The following HS2ST1 variants were observed in gnomAD, a reference collection of about 807,000 sequenced individuals.
HS2ST1 encodes the protein 2-O-sulfotransferase.
Under a neutral mutation model 42.9 loss-of-function variants are expected in HS2ST1, and 18 were observed. That is an observed-to-expected ratio of 0.42 (90% CI 0.29 to 0.62). The LOEUF (loss-of-function observed/expected upper bound fraction) is 0.62, where lower values mean the gene tolerates loss of function less well. HS2ST1 is among the 20% of genes least tolerant of loss of function. HS2ST1 has a pLI of 0.21. For missense variants in HS2ST1, 334 were observed against 433.8 expected (o/e 0.77, Z 2.04); for synonymous variants, 146 against 152.9 (o/e 0.95, Z 0.33).
At chr1:87,014,597 A>T in intron 1 of HS2ST1, among the ~76,000 whole-genome samples, 1 of 152,338 alleles carries the variant, frequency 6.6e-6, no homozygotes, top group Non-Finnish European at 1.5e-5. Context: ...TAAACAAACA[A>T]ACAAAAAACC....
chr1:86,954,045 A>ATT (rs1557492049), intron 1 of HS2ST1, among the ~76,000 whole-genome samples: 1,787 of 122,944 alleles, frequency 0.015, 31 homozygotes, highest in African/African-American at 0.019. Flanking sequence ...TTTTTTAAAA[A>ATT]AAAAAAAAAA....
intron 1 of HS2ST1, among the ~76,000 whole-genome samples, chr1:87,036,592 A>G (rs780398384): frequency 6.6e-6 from 1 of 152,172 alleles, no homozygotes; most frequent in Non-Finnish European, 1.5e-5. Context: ...CAGTTTGGCT[A>G]GTATATTTGT....
intron 1 of HS2ST1, among the ~76,000 whole-genome samples, chr1:87,017,894 T>C (rs927936232): frequency 6.6e-6 from 1 of 152,162 alleles, no homozygotes; most frequent in Non-Finnish European, 1.5e-5. Flanking sequence ...TTGTATTTTA[T>C]CCATCTATCC....
At chr1:86,951,652 G>T (rs562758224) in intron 1 of HS2ST1, among the ~76,000 whole-genome samples, 1 of 152,346 alleles carries the variant, frequency 6.6e-6, no homozygotes, top group South Asian at 2.1e-4. Flanking sequence ...GTGGCTGGAG[G>T]TGGGGGTGAC....
intron 1 of HS2ST1, among the ~76,000 whole-genome samples, chr1:86,963,124 A>T (rs1273384400): frequency 1.3e-5 from 2 of 152,024 alleles, no homozygotes; most frequent in African/African-American, 4.8e-5. Context: ...TTTCTGTCAG[A>T]AGGTACAGAA....
chr1:87,085,987 T>C (rs1252843141), intron 3 of HS2ST1, among the ~76,000 whole-genome samples: 1 of 152,180 alleles, frequency 6.6e-6, no homozygotes, highest in Non-Finnish European at 1.5e-5. Context: ...ATTGTGAAAA[T>C]TTTTCATAGA....
intron 1 of HS2ST1, among the ~76,000 whole-genome samples, chr1:87,028,454 C>A (rs1430566673): frequency 6.6e-6 from 1 of 152,218 alleles, no homozygotes; most frequent in African/African-American, 2.4e-5. Flanking sequence ...AGTATCCCAA[C>A]AAATAGCACC....
chr1:87,009,714 A>G (rs959253423), intron 1 of HS2ST1, among the ~76,000 whole-genome samples: 1 of 152,078 alleles, frequency 6.6e-6, no homozygotes, highest in South Asian at 2.1e-4. Flanking sequence ...AAGGTGTGAT[A>G]GCAGGACCTG....
At chr1:86,990,812 T>TATATATATATATATATA (rs1553135487) in intron 1 of HS2ST1, among the ~76,000 whole-genome samples, 12 of 10,244 alleles carry the variant, frequency 1.2e-3, no homozygotes, top group Non-Finnish European at 2.7e-3. Flanking sequence ...CTGGCTAATT[T>TATATATATATATATATA]TATATATATA....
chr1:87,008,593 A>G (rs868267862), intron 1 of HS2ST1, among the ~76,000 whole-genome samples: 1 of 152,236 alleles, frequency 6.6e-6, no homozygotes, highest in African/African-American at 2.4e-5. Context: ...CTTTTAGTCC[A>G]GCTCATAAAT....
chr1:87,048,238 A>G (rs1650738436), intron 1 of HS2ST1, among the ~76,000 whole-genome samples: 1 of 152,156 alleles, frequency 6.6e-6, no homozygotes, highest in Non-Finnish European at 1.5e-5. Context: ...ATTTAGGTAT[A>G]TTGATTTTTA....
chr1:87,092,989 CTAAG>C (rs1651982634), intron 4 of HS2ST1, among the ~76,000 whole-genome samples: 1 of 151,796 alleles, frequency 6.6e-6, no homozygotes, highest in African/African-American at 2.4e-5. Flanking sequence ...TTTTGGTTCT[CTAAG>C]TATTGATGGC....
intron 1 of HS2ST1, among the ~76,000 whole-genome samples, chr1:87,037,418 C>A (rs1044823723): frequency 2.0e-5 from 3 of 151,692 alleles, no homozygotes; most frequent in African/African-American, 4.8e-5. Flanking sequence ...CCCAATAAAT[C>A]TGTACAATAA....
chr1:87,007,266 A>G (rs1330300799), intron 1 of HS2ST1, among the ~76,000 whole-genome samples: 1 of 152,130 alleles, frequency 6.6e-6, no homozygotes, highest in Non-Finnish European at 1.5e-5. Flanking sequence ...TCACACACAC[A>G]TATTCATATA....
chr1:86,969,039 A>G lies in HS2ST1; in HGVS notation c.124+53879A>G, dbSNP rs558935074. On this transcript the variant is annotated intron_variant, in intron 1 of 6. Coordinates refer to ENST00000370550, the MANE Select transcript of HS2ST1 (RefSeq NM_012262.4). The stretch of plus-strand genomic sequence containing the variant: ...ATTCCATGTAAGTAAGGTTGCTACA[A>G]ATATATGATTTCTTGACATATATGC... 1.2e-4 allele frequency among the ~76,000 whole-genome samples: 19 copies of G among 152,332 alleles called. No individual in the cohort carries two copies. In the South Asian group the frequency reaches 3.1e-3, roughly 25 times the overall value.
intron 1 of HS2ST1, among the ~76,000 whole-genome samples, chr1:87,065,215 C>T (rs1017509325): frequency 1.1e-4 from 17 of 152,126 alleles, no homozygotes; most frequent in Non-Finnish European, 2.4e-4. Flanking sequence ...CACGTCAGAG[C>T]AGTTATTGGA....
intron 1 of HS2ST1, among the ~76,000 whole-genome samples, chr1:87,071,626 G>A (rs959633141): frequency 6.6e-6 from 1 of 151,834 alleles, no homozygotes; most frequent in African/African-American, 2.4e-5. Context: ...CTACTCAGTA[G>A]GCTGAGGCAG....
At chr1:87,043,051 A>G (rs1397092390) in intron 1 of HS2ST1, among the ~76,000 whole-genome samples, 1 of 152,142 alleles carries the variant, frequency 6.6e-6, no homozygotes, top group Non-Finnish European at 1.5e-5. Context: ...AGATTTTGCC[A>G]GAGAAATAAC....
intron 1 of HS2ST1, among the ~76,000 whole-genome samples, chr1:87,051,916 A>T (rs1316208506): frequency 6.6e-6 from 1 of 152,236 alleles, no homozygotes; most frequent in Non-Finnish European, 1.5e-5. Context: ...AATTCAACTG[A>T]AAAGCTATAA....
Sources: gnomAD v4.1 joint callset for allele counts (sites outside exome capture counted in the v4.1 genomes callset) on GRCh38, gnomAD v4.1.1 for gene constraint, MANE v1.5 for transcripts, NCBI Gene and HGNC (gene_info 2026-07-23, HGNC 2026-07-21) for gene names.